MCCC2: variants seen among roughly 807,000 people sequenced by gnomAD.
MCCC2 encodes the protein methylcrotonyl-CoA carboxylase subunit 2.
Under a neutral mutation model 77.2 loss-of-function variants are expected in MCCC2, and 52 were observed. That is an observed-to-expected ratio of 0.67 (90% CI 0.54 to 0.85). MCCC2 has a LOEUF of 0.85. Among genes scored for constraint, MCCC2 ranks in the 40% least tolerant of loss-of-function variants. The pLI is 0.00. For synonymous variants in MCCC2, 253 were observed against 248.4 expected, an observed-to-expected ratio of 1.02 and a Z score of -0.18; for missense variants, 682 against 703.2, an observed-to-expected ratio of 0.97 and a Z score of 0.34.
At chr5:71,656,014 A>G (rs921687000) in intron 16 of MCCC2, among the ~76,000 whole-genome samples, 4 of 152,222 alleles carry the variant, frequency 2.6e-5, no homozygotes, top group Non-Finnish European at 4.4e-5. Flanking sequence ...CAGGAGTTCA[A>G]AACTGGCCTG....
chr5:71,651,883 A>T (rs1269312734), intron 15 of MCCC2, among the ~76,000 whole-genome samples: 1 of 152,194 alleles, frequency 6.6e-6, no homozygotes, highest in Admixed American at 6.5e-5. Context: ...TTGTTCTTTG[A>T]TTACTTCAAT....
chr5:71,618,678 G>T (rs1746264027), intron 6 of MCCC2, among the ~76,000 whole-genome samples: 1 of 151,970 alleles, frequency 6.6e-6, no homozygotes, highest in Non-Finnish European at 1.5e-5. Flanking sequence ...GAGCCACTAT[G>T]CCAGGCCAAA....
intron 2 of MCCC2, 119 bp from the exon 3 acceptor site, chr5:71,596,161 C>T: frequency 1.1e-6 from 1 of 903,710 alleles, no homozygotes; most frequent in Admixed American, 1.9e-5. Context: ...AGCCTTTTCT[C>T]AGAGGATATG....
At chr5:71,617,244 A>C (rs1746191697) in intron 6 of MCCC2, among the ~76,000 whole-genome samples, 1 of 152,116 alleles carries the variant, frequency 6.6e-6, no homozygotes, top group Admixed American at 6.6e-5. Context: ...CCTGGGTCGG[A>C]GTCTCCAACC....
Position 71,643,902 on chromosome 5 carries a change from ACTGTT to A in MCCC2, c.1149+8_1149+12del. 1 of 1,614,016 alleles carries A rather than the reference ACTGTT, an allele frequency of 6.2e-7. No individual in the cohort carries two copies. Among genetic ancestry groups the A allele is most frequent in the Non-Finnish European group, 8.5e-7 (1 of 1,179,942 alleles). ...TTCTGAATCTGCAAAAAAGGCAAGT[ACTGTT>A]AAAAATATTTCAAGATTTTCTGTTT... On this transcript the variant is annotated splice_region_variant and intron_variant, in intron 12 of 16. Coordinates refer to ENST00000340941, the MANE Select transcript of MCCC2 (RefSeq NM_022132.5).
In MCCC2 at chr5:71,604,345, C is replaced by T; in HGVS notation, c.512-11C>T. 1 of 1,610,340 alleles carries T rather than the reference C, an allele frequency of 6.2e-7. No individual in the cohort carries two copies. The highest frequency in any genetic ancestry group is 1.1e-5 in the South Asian group (1 of 91,018). The stretch of plus-strand genomic sequence containing the variant: ...ATAGAGATGCTTATGTTTCTCATTT[C>T]TTGTCTTCAGTTGATTCGGGAGGAG... On this transcript the variant is annotated splice_polypyrimidine_tract_variant and intron_variant, in intron 5 of 16. Coordinates refer to ENST00000340941, the MANE Select transcript of MCCC2 (RefSeq NM_022132.5).
At chr5:71,649,304 A>C in intron 14 of MCCC2, 51 bp downstream of exon 14, 1 of 1,520,512 alleles carries the variant, frequency 6.6e-7, no homozygotes. Flanking sequence ...CAAGTATAAA[A>C]TACATGGTCA....
At chr5:71,646,135 TGTG>T (rs1210054656) in intron 12 of MCCC2, 73 bp from the exon 13 acceptor site, 15 of 1,252,512 alleles carry the variant, frequency 1.2e-5, no homozygotes, top group South Asian at 1.1e-4. Context: ...TGGCTGAAGT[TGTG>T]GTGTTTGTAG....
chr5:71,626,812 A>G (rs1580311506), intron 7 of MCCC2, 59 bp downstream of exon 7: 1 of 1,388,112 alleles, frequency 7.2e-7, no homozygotes, highest in Non-Finnish European at 1.0e-6. Context: ...AAAATACACC[A>G]TTTAAACTAT....
intron 13 of MCCC2, among the ~76,000 whole-genome samples, chr5:71,648,006 G>A (rs2112466122): frequency 6.6e-6 from 1 of 152,292 alleles, no homozygotes; most frequent in South Asian, 2.1e-4. Flanking sequence ...TGGTGGGAAT[G>A]TTACAATGGA....
intron 1 of MCCC2, 56 bp from the exon 2 acceptor site, chr5:71,592,869 TA>T: frequency 1.6e-6 from 2 of 1,265,980 alleles, no homozygotes; most frequent in African/African-American, 1.5e-5. Context: ...TTTATTTTGG[TA>T]AAAAGGAATT....
intron 11 of MCCC2, among the ~76,000 whole-genome samples, chr5:71,643,502 TC>T (rs1747186193): frequency 6.6e-6 from 1 of 152,210 alleles, no homozygotes; most frequent in Non-Finnish European, 1.5e-5. Context: ...ATCCCTAGTG[TC>T]TGGTACATAC....
chr5:71,588,547 C>T (rs467381), intron 1 of MCCC2, among the ~76,000 whole-genome samples: 72,155 of 151,896 alleles, frequency 0.48, 17,393 homozygotes, highest in South Asian at 0.55. Context: ...AGATATTTGG[C>T]ATGGATGCGT....
chr5:71,647,603 T>G (rs1032355544), intron 13 of MCCC2, among the ~76,000 whole-genome samples: 2 of 152,158 alleles, frequency 1.3e-5, no homozygotes, highest in Non-Finnish European at 2.9e-5. Flanking sequence ...GAGGTTCCTG[T>G]GGGATATTCA....
intron 3 of MCCC2, 50 bp from the exon 4 acceptor site, chr5:71,599,609 G>A: frequency 1.4e-6 from 2 of 1,402,670 alleles, no homozygotes; most frequent in Non-Finnish European, 2.0e-6. Context: ...CTGTTTAAAT[G>A]TGTAGTTTTT....
chr5:71,646,033 G>T (rs1747263799), intron 12 of MCCC2, among the ~76,000 whole-genome samples, 178 bp from the exon 13 acceptor site: 1 of 150,870 alleles, frequency 6.6e-6, no homozygotes, highest in Admixed American at 6.6e-5. Context: ...CTGTACTCCA[G>T]CCTGGGCAAC....
At chr5:71,654,938 G>A (rs548956271) in intron 16 of MCCC2, among the ~76,000 whole-genome samples, 16 of 151,978 alleles carry the variant, frequency 1.1e-4, no homozygotes, top group African/African-American at 3.9e-4. Flanking sequence ...GGGTTCAAGG[G>A]ATTCTCCTGC....
At position 71,650,184 on chromosome 5, in the gene MCCC2, G is replaced by A. The variant is rs2112469361; in HGVS notation, c.1488+1G>A. 1 of 1,613,712 alleles carries A rather than the reference G, an allele frequency of 6.2e-7. No individual in the cohort carries two copies. The highest frequency in any genetic ancestry group is 8.5e-7 in the Non-Finnish European group (1 of 1,179,604). On this transcript the variant is annotated splice_donor_variant, in intron 15 of 16. Transcript: ENST00000340941. LOFTEE classifies it high-confidence loss of function. ...CCAAAGAGCCCGGGAAGGAAAGCAG[G>A]TCGGTGTCGTTTTCTCTTGTTTCTC...
At chr5:71,622,380 G>A (rs1746381824) in intron 6 of MCCC2, among the ~76,000 whole-genome samples, 1 of 151,864 alleles carries the variant, frequency 6.6e-6, no homozygotes, top group Non-Finnish European at 1.5e-5. Flanking sequence ...ACTTGTTTGA[G>A]AATTTTGACT....
Sources: gnomAD v4.1 joint callset for allele counts (sites outside exome capture counted in the v4.1 genomes callset) on GRCh38, gnomAD v4.1.1 for gene constraint, MANE v1.5 for transcripts, NCBI Gene and HGNC (gene_info 2026-07-23, HGNC 2026-07-21) for gene names.